SCAPER: variants seen among roughly 807,000 people sequenced by gnomAD.
SCAPER encodes the protein S-phase cyclin A associated protein in the ER.
In SCAPER, 98 loss-of-function variants were observed where a neutral mutation model predicts 182.2. That is an observed-to-expected ratio of 0.54 (90% CI 0.46 to 0.64). The LOEUF is 0.64. Among genes scored for constraint, SCAPER ranks in the 30% least tolerant of loss-of-function variants. SCAPER has a pLI of 0.00. For synonymous variants in SCAPER, 605 were observed against 564.6 expected (o/e 1.07, Z -1.01); for missense variants, 1,432 against 1,690.0 (o/e 0.85, Z 2.68).
chr15:76,496,542 T>C (rs1429602125), intron 24 of SCAPER, among the ~76,000 whole-genome samples: 2 of 152,216 alleles, frequency 1.3e-5, no homozygotes, highest in African/African-American at 4.8e-5. Context: ...CTCTTCACTG[T>C]AGGTATGTTC....
intron 29 of SCAPER, 125 bp downstream of exon 29, chr15:76,376,037 G>A: frequency 1.7e-6 from 2 of 1,192,778 alleles, no homozygotes; most frequent in South Asian, 1.6e-5. Flanking sequence ...TATTCCTGCA[G>A]TCTGGTTAAA....
intron 5 of SCAPER, among the ~76,000 whole-genome samples, chr15:76,824,868 T>C (rs954106888): frequency 6.6e-6 from 1 of 152,200 alleles, no homozygotes; most frequent in Non-Finnish European, 1.5e-5. Flanking sequence ...TGCATCTTTG[T>C]GGGTAAATAA....
At chr15:76,667,970 AAC>A (rs1555526002) in intron 20 of SCAPER, among the ~76,000 whole-genome samples, 43 of 152,054 alleles carry the variant, frequency 2.8e-4, no homozygotes, top group African/African-American at 9.2e-4. Flanking sequence ...TTAAAAAAAA[AAC>A]AAAAAAAAGT....
intron 27 of SCAPER, among the ~76,000 whole-genome samples, chr15:76,399,425 C>T (rs538148243): frequency 6.6e-6 from 1 of 152,208 alleles, no homozygotes; most frequent in Non-Finnish European, 1.5e-5. Context: ...TGAGCCACCA[C>T]ACCTGGCCAG....
At chr15:76,620,415 C>G (rs1935125192) in intron 22 of SCAPER, among the ~76,000 whole-genome samples, 1 of 152,182 alleles carries the variant, frequency 6.6e-6, no homozygotes. Context: ...TTCTGCACTC[C>G]ATTCTCCTGA....
In SCAPER at chr15:76,893,901, T is replaced by C. The variant is rs573228687; in HGVS notation, c.-59-10025A>G. Reference sequence around the variant, plus strand: ...TGGTAACACAACATAGCAAAACTTATGGAATACAATAAAAGCAGTTCTAAG... The same window carrying C: ...TGGTAACACAACATAGCAAAACTTACGGAATACAATAAAAGCAGTTCTAAG... On this transcript the variant is annotated intron_variant, in intron 1 of 31. Transcript: ENST00000563290. 3.5e-4 allele frequency among the ~76,000 whole-genome samples: 54 copies of C among 152,166 alleles called. 1 individual carries two copies. In the South Asian group the frequency reaches 7.3e-3, roughly 20 times the overall value.
intron 5 of SCAPER, 133 bp from the exon 6 acceptor site, chr15:76,804,766 C>T (rs1414491367): frequency 4.2e-6 from 2 of 480,080 alleles, no homozygotes; most frequent in Non-Finnish European, 7.1e-6. Context: ...GCGTAAGTTA[C>T]AGATTTTTTT....
At chr15:76,466,767 G>A (rs1040577096) in intron 25 of SCAPER, among the ~76,000 whole-genome samples, 1 of 149,544 alleles carries the variant, frequency 6.7e-6, no homozygotes, top group African/African-American at 2.5e-5. Context: ...TGAAAACTTT[G>A]GGGGGGATAC....
At chr15:76,722,027 G>A (rs575030837) in intron 17 of SCAPER, among the ~76,000 whole-genome samples, 112 of 152,138 alleles carry the variant, frequency 7.4e-4, no homozygotes, top group Non-Finnish European at 1.1e-3. Flanking sequence ...GAATGCTTCC[G>A]GTTTTTGTCC....
intron 23 of SCAPER, among the ~76,000 whole-genome samples, chr15:76,506,043 T>C (rs1485162084): frequency 6.6e-6 from 1 of 151,718 alleles, no homozygotes; most frequent in Non-Finnish European, 1.5e-5. Context: ...AGCTAAGCAT[T>C]AAAACAATTG....
chr15:76,564,811 C>T lies in SCAPER; in HGVS notation c.2838+9347G>A, dbSNP rs146641792. Among the ~76,000 whole-genome samples, 130 of 152,040 alleles carry T rather than the reference C, an allele frequency of 8.6e-4. 2 individuals carry two copies. The East Asian group carries it at 0.022, about 26-fold the overall frequency. On this transcript the variant is annotated intron_variant, in intron 23 of 31. Transcript: ENST00000563290. ...TAACCAAAACAGCATGGTACTGGTA[C>T]GAAAACAGACACATAGACGAATGGA...
At chr15:76,664,431 T>C (rs760445117) in intron 21 of SCAPER, among the ~76,000 whole-genome samples, 3 of 152,192 alleles carry the variant, frequency 2.0e-5, no homozygotes, top group Non-Finnish European at 4.4e-5. Flanking sequence ...CCTAAGCAAC[T>C]AGAATAAAGT....
intron 8 of SCAPER, chr15:76,793,485 G>T: frequency 2.0e-6 from 1 of 500,134 alleles, no homozygotes. Flanking sequence ...TGAAGGTTAG[G>T]TTGCTTGCCA....
intron 23 of SCAPER, among the ~76,000 whole-genome samples, chr15:76,532,889 G>T (rs1444015405): frequency 2.0e-5 from 3 of 152,148 alleles, no homozygotes; most frequent in African/African-American, 7.2e-5. Context: ...GAATGCTAGG[G>T]TTCTACAGCA....
At chr15:76,493,977 AC>A (rs1434414762) in intron 24 of SCAPER, among the ~76,000 whole-genome samples, 12 of 152,180 alleles carry the variant, frequency 7.9e-5, no homozygotes, top group African/African-American at 2.2e-4. Flanking sequence ...CTTTTAGTAA[AC>A]TTTTATCTAA....
In SCAPER at chr15:76,447,440, T is replaced by C. The variant is rs111670389; in HGVS notation, c.3079-13130A>G. Among the ~76,000 whole-genome samples the C allele has an allele frequency of 1.9e-3, 289 of 152,308 alleles. 2 individuals are homozygous for C. Among genetic ancestry groups the C allele is most frequent in the Middle Eastern group, 0.014 (4 of 294 alleles). ...AGGTAAAACAACCTGAGACTTCTGA[T>C]TGGCATCTGAAGTGGTGGACAGTCT... On this transcript the variant is annotated intron_variant, in intron 25 of 31. Coordinates refer to ENST00000563290, the MANE Select transcript of SCAPER (RefSeq NM_020843.4).
chr15:76,497,182 C>T (rs1403589395), intron 24 of SCAPER, among the ~76,000 whole-genome samples: 2 of 145,464 alleles, frequency 1.4e-5, no homozygotes, highest in Non-Finnish European at 3.0e-5. Context: ...CCTGTAATGG[C>T]CATCCCAGAA....
At chr15:76,418,906 G>C (rs576506550) in intron 26 of SCAPER, among the ~76,000 whole-genome samples, 11 of 152,222 alleles carry the variant, frequency 7.2e-5, no homozygotes, top group Non-Finnish European at 1.2e-4. Context: ...AAGCCAGCCT[G>C]GTTGTGGCTG....
At chr15:76,399,294 C>G (rs757227858) in intron 27 of SCAPER, among the ~76,000 whole-genome samples, 1 of 152,096 alleles carries the variant, frequency 6.6e-6, no homozygotes, top group Non-Finnish European at 1.5e-5. Flanking sequence ...CCTGCCACCA[C>G]TCTCAGCTAA....
Sources: allele counts gnomAD v4.1 joint callset (sites outside exome capture counted in the v4.1 genomes callset), GRCh38; gene constraint gnomAD v4.1.1; transcripts MANE v1.5; gene names NCBI Gene and HGNC (gene_info 2026-07-23, HGNC 2026-07-21).